RBM41: variants seen among roughly 807,000 people sequenced by gnomAD.
The protein encoded by RBM41 is RNA binding motif protein 41.
A neutral mutation model predicts 30.8 loss-of-function variants in RBM41; 14 were observed. That is an observed-to-expected ratio of 0.45 (90% confidence interval 0.30 to 0.71). The LOEUF (loss-of-function observed/expected upper bound fraction) is 0.71, where lower values mean the gene tolerates loss of function less well. RBM41 is among the 30% of genes least tolerant of loss of function. RBM41 has a pLI of 0.08. For synonymous variants in RBM41, 120 were observed against 110.1 expected, an observed-to-expected ratio of 1.09 and a Z score of -0.56; for missense variants, 276 against 326.3, an observed-to-expected ratio of 0.85 and a Z score of 1.19.
chrX:107,104,276 G>A (rs923781576), intron 5 of RBM41, among the ~76,000 whole-genome samples: 6 of 111,179 alleles, frequency 5.4e-5, no homozygotes, highest in Non-Finnish European at 7.5e-5. Flanking sequence ...GAAGTATTTC[G>A]GGGGAAGGAA....
chrX:107,106,991 C>T (rs1222957287), intron 5 of RBM41, among the ~76,000 whole-genome samples: 1 of 111,026 alleles, frequency 9.0e-6, no homozygotes, highest in Non-Finnish European at 1.9e-5. Flanking sequence ...GCACGTTGTA[C>T]ACATGTACCC....
chrX:107,076,403 G>A (rs1205478240), intron 6 of RBM41, among the ~76,000 whole-genome samples: 1 of 109,703 alleles, frequency 9.1e-6, no homozygotes, highest in Admixed American at 9.8e-5. Flanking sequence ...AAAAAAGCAG[G>A]AAATCTTATA....
At chrX:107,102,405 C>T (rs1251005301) in intron 5 of RBM41, among the ~76,000 whole-genome samples, 2 of 111,439 alleles carry the variant, frequency 1.8e-5, no homozygotes. Flanking sequence ...ATACAGATAG[C>T]GTGCTCTGGA....
chrX:107,088,449 C>G lies in RBM41; in HGVS notation c.986G>C (p.Gly329Ala). The G allele has an allele frequency of 6.6e-6, 8 of 1,210,202 alleles. No individual in the cohort carries two copies. The highest frequency in any genetic ancestry group is 8.9e-6 in the Non-Finnish European group (8 of 894,576). ...KIPMFSSYNPGEPNKVLYLKN... is the reference protein window; with the variant it reads ...KIPMFSSYNPAEPNKVLYLKN... ...TTTGGCCTATACCTTGTTTGGTTCC[C>G]CTGGATTATATGAAGAAAACATAGG... is the stretch of plus-strand genomic sequence containing the variant. Residue 329 changes from glycine (G) to alanine (A), a missense_variant, in exon 6 of 8, where the codon GGG becomes GCG. Physicochemically the swap from Gly to Ala is moderately conservative, Grantham distance 60 (BLOSUM62 0). Transcript: ENST00000685964.
chrX:107,056,898 G>GA (rs200835206), downstream of RBM41, among the ~76,000 whole-genome samples: 23,975 of 102,508 alleles, frequency 0.23, 2,587 homozygotes, highest in East Asian at 0.46. Flanking sequence ...TTTTGGGGGG[G>GA]GCGACAGGGT....
chrX:107,064,953 G>C lies in RBM41; in HGVS notation c.*2574C>G, dbSNP rs1034474928. ...TCATGTATTTTGGGCTCTACTGTTA[G>C]ATGCATATATATTTATAGTTGTTAC... On this transcript the variant is annotated 3_prime_UTR_variant, in exon 8 of 8. Transcript: ENST00000685964. 3.6e-5 allele frequency: 4 copies of C among 111,472 alleles called. No homozygotes were observed. Among genetic ancestry groups the C allele is most frequent in the Non-Finnish European group, 7.5e-5 (4 of 53,047 alleles). 9.2% of individuals were successfully genotyped at this position (111,472 alleles called of 1,213,427 possible).
intron 6 of RBM41, among the ~76,000 whole-genome samples, chrX:107,072,740 T>C (rs1235131889): frequency 9.0e-6 from 1 of 111,609 alleles, no homozygotes; most frequent in Non-Finnish European, 1.9e-5. Flanking sequence ...GACTTCAAAA[T>C]GTACTACAAA....
At chrX:107,068,831 A>G (rs963466764) in intron 7 of RBM41, among the ~76,000 whole-genome samples, 2 of 112,547 alleles carry the variant, frequency 1.8e-5, no homozygotes, top group East Asian at 2.8e-4. Context: ...AGACTGTATC[A>G]TCATCTACTA....
the RBM41 span, among the ~76,000 whole-genome samples, chrX:107,053,786 C>G: frequency 9.0e-6 from 1 of 111,706 alleles, no homozygotes; most frequent in East Asian, 2.8e-4. Flanking sequence ...ATTCCACCCC[C>G]ATCAGACATA....
chrX:107,070,270 C>T (rs1936004786), intron 6 of RBM41: 1 of 329,859 alleles, frequency 3.0e-6, no homozygotes, highest in Middle Eastern at 4.3e-4. Flanking sequence ...CCATACATGG[C>T]TGAAGATGTG....
At position 107,062,999 on chromosome X, in the gene RBM41, C is replaced by T. The variant is rs1935695673; in HGVS notation, c.*4528G>A. ...AAATAGATGTACCATAAGTTATTTA[C>T]CCATTTTCCTATTGATGGACACCCC... On this transcript the variant is annotated 3_prime_UTR_variant, in exon 8 of 8. Transcript: ENST00000685964. Among the ~76,000 whole-genome samples the T allele has an allele frequency of 9.0e-6, 1 of 111,239 alleles. No individual in the cohort carries two copies. Among genetic ancestry groups the T allele is most frequent in the Admixed American group, 9.6e-5 (1 of 10,436 alleles).
At chrX:107,106,714 T>C (rs1384308536) in intron 5 of RBM41, among the ~76,000 whole-genome samples, 1 of 110,699 alleles carries the variant, frequency 9.0e-6, no homozygotes, top group African/African-American at 3.3e-5. Flanking sequence ...TTCATGTCCT[T>C]TGTAGGGACA....
At chrX:107,116,274 A>G in intron 2 of RBM41, 9 of 931,769 alleles carry the variant, frequency 9.7e-6, no homozygotes, top group Non-Finnish European at 1.2e-5. Context: ...TTGAGTACTT[A>G]CTATGCATCA....
At chrX:107,069,572 A>T (rs1935970882) in intron 6 of RBM41, 170 bp from the exon 7 acceptor site, 1 of 428,283 alleles carries the variant, frequency 2.3e-6, no homozygotes, top group Non-Finnish European at 3.7e-6. Flanking sequence ...CTCATGCCTC[A>T]GCCTCCCGAG....
intron 6 of RBM41, among the ~76,000 whole-genome samples, chrX:107,084,627 C>T (rs191242821): frequency 9.0e-6 from 1 of 111,426 alleles, no homozygotes; most frequent in East Asian, 2.8e-4. Context: ...CTAGTCTACA[C>T]TCTGACGCCA....
At chrX:107,112,559 T>C (rs1261940631) in intron 5 of RBM41, among the ~76,000 whole-genome samples, 2 of 111,529 alleles carry the variant, frequency 1.8e-5, no homozygotes, top group African/African-American at 3.3e-5. Context: ...TAAAAACTTA[T>C]GTTCACAAAA....
chrX:107,114,143 T>C (rs1924710551), intron 4 of RBM41, among the ~76,000 whole-genome samples: 1 of 111,402 alleles, frequency 9.0e-6, no homozygotes, highest in Admixed American at 9.5e-5. Flanking sequence ...TGCATTGACC[T>C]CCCTCCTTCA....
At position 107,079,762 on chromosome X, in the gene RBM41, C is replaced by T. The variant is rs539733768; in HGVS notation, c.999+8674G>A. On this transcript the variant is annotated intron_variant, in intron 6 of 7. Coordinates refer to ENST00000685964, the MANE Select transcript of RBM41 (RefSeq NM_001324242.2). Reference sequence around the variant, plus strand: ...GAATAATTTTACCGCCCTAAAGATTCCCTGTGTTTCATGTATTTCTCCCTT... The same window carrying T: ...GAATAATTTTACCGCCCTAAAGATTTCCTGTGTTTCATGTATTTCTCCCTT... 9.9e-5 allele frequency among the ~76,000 whole-genome samples: 11 copies of T among 110,753 alleles called. No individual in the cohort carries two copies. In the East Asian group the frequency reaches 2.0e-3, roughly 20 times the overall value.
rs1313639613 is a variant in RBM41 at position 107,105,240 on chromosome X, T to A, written c.595+8157A>T. Among the ~76,000 whole-genome samples the A allele has an allele frequency of 2.8e-5, 3 of 107,741 alleles. No homozygotes were observed. In the South Asian group the frequency reaches 1.2e-3, roughly 44 times the overall value. 93.6% of individuals were successfully genotyped at this position (107,741 alleles called of 115,157 possible). A position where few individuals can be genotyped will look rare whatever the true frequency, so the allele number is the denominator to read the frequency against. On this transcript the variant is annotated intron_variant, in intron 5 of 7. Coordinates refer to ENST00000685964, the MANE Select transcript of RBM41 (RefSeq NM_001324242.2). Reference sequence around the variant, plus strand: ...ATACCAATAACAGACAAACAGAGAGTCAAATCATGAGTGAACTCCCATTCA... The same window carrying A: ...ATACCAATAACAGACAAACAGAGAGACAAATCATGAGTGAACTCCCATTCA...
Sources: allele counts gnomAD v4.1 joint callset (sites outside exome capture counted in the v4.1 genomes callset), GRCh38; gene constraint gnomAD v4.1.1; transcripts MANE v1.5; gene names NCBI Gene and HGNC (gene_info 2026-07-23, HGNC 2026-07-21).